Variants in SORCS1 observed in about 807,000 individuals in gnomAD.
SORCS1 encodes the protein sortilin related VPS10 domain containing receptor 1, also known as VPS10 domain-containing receptor SorCS1.
SORCS1 carries 60 observed loss-of-function variants against 146.1 expected under a neutral mutation model. The observed-to-expected ratio is 0.41, with a 90% confidence interval of 0.33 to 0.51. The LOEUF is 0.51. Ranked by LOEUF, SORCS1 falls within the 20% of genes least tolerant of loss-of-function variation. The pLI is 0.21. For missense variants in SORCS1, 1,352 were observed against 1,487.6 expected, an observed-to-expected ratio of 0.91 and a Z score of 1.50; for synonymous variants, 637 against 584.0, an observed-to-expected ratio of 1.09 and a Z score of -1.31.
At chr10:107,034,660 A>G (rs556573750) in intron 1 of SORCS1, among the ~76,000 whole-genome samples, 38 of 137,606 alleles carry the variant, frequency 2.8e-4, no homozygotes, top group African/African-American at 9.3e-4. Context: ...AGCCTGGGAA[A>G]CATGAGCGAA....
intron 1 of SORCS1, among the ~76,000 whole-genome samples, chr10:107,084,970 T>A (rs1301907060): frequency 6.6e-6 from 1 of 152,176 alleles, no homozygotes; most frequent in Admixed American, 6.5e-5. Flanking sequence ...CATGCAAAAT[T>A]TCAGAAGCAC....
At chr10:106,756,461 A>AAGCATTTG (rs1337705431) in intron 5 of SORCS1, among the ~76,000 whole-genome samples, 1 of 152,196 alleles carries the variant, frequency 6.6e-6, no homozygotes, top group East Asian at 1.9e-4. Context: ...AGTAAACCTC[A>AAGCATTTG]GTGTCCTTGA....
intron 19 of SORCS1, among the ~76,000 whole-genome samples, chr10:106,624,563 G>A (rs899107445): frequency 8.6e-5 from 13 of 151,712 alleles, no homozygotes; most frequent in Non-Finnish European, 1.8e-4. Flanking sequence ...GTTTCACCAT[G>A]TTGGCCAGGC....
chr10:106,932,764 ATTTTAGCTGG>A (rs1039670508), intron 2 of SORCS1, among the ~76,000 whole-genome samples: 4 of 152,174 alleles, frequency 2.6e-5, no homozygotes, highest in Admixed American at 2.6e-4. Context: ...GCAATGGTAA[ATTTTAGCTGG>A]TTTGTGCCAA....
At chr10:106,714,700 G>A (rs1421877920) in intron 6 of SORCS1, among the ~76,000 whole-genome samples, 5 of 152,154 alleles carry the variant, frequency 3.3e-5, no homozygotes, top group African/African-American at 9.7e-5. Context: ...CAACAACAGC[G>A]GAGAGCCACT....
At position 106,805,968 on chromosome 10, in the gene SORCS1, G is replaced by A. The variant is rs185275578; in HGVS notation, c.726+23606C>T. Among the ~76,000 whole-genome samples the A allele has an allele frequency of 1.8e-3, 275 of 150,010 alleles. 1 individual carries two copies. The highest frequency in any genetic ancestry group is 6.4e-3 in the African/African-American group (261 of 40,812). On this transcript the variant is annotated intron_variant, in intron 3 of 25. Coordinates refer to ENST00000263054, the MANE Select transcript of SORCS1 (RefSeq NM_052918.5). ...CCAGCTACTCGGGAGGCTGAGGCAC[G>A]AGAATGGCGTGAACCCGGGAGGCAG... is the stretch of plus-strand genomic sequence containing the variant.
chr10:106,861,347 C>T (rs1950007984), intron 2 of SORCS1, among the ~76,000 whole-genome samples: 1 of 149,890 alleles, frequency 6.7e-6, no homozygotes, highest in African/African-American at 2.5e-5. Flanking sequence ...TTTCAGTGAG[C>T]CAAGATCGCA....
chr10:106,971,890 T>G (rs1374744973), intron 1 of SORCS1, among the ~76,000 whole-genome samples: 1 of 152,174 alleles, frequency 6.6e-6, no homozygotes, highest in East Asian at 1.9e-4. Flanking sequence ...TCTGAGACTC[T>G]CAAAATCTCT....
intron 2 of SORCS1, among the ~76,000 whole-genome samples, chr10:106,928,369 G>A (rs1953194399): frequency 1.3e-5 from 2 of 152,214 alleles, no homozygotes; most frequent in Non-Finnish European, 2.9e-5. Context: ...TCATTGCCAG[G>A]GGCCGGCAGG....
chr10:107,009,411 G>A (rs1957595152), intron 1 of SORCS1, among the ~76,000 whole-genome samples: 1 of 152,132 alleles, frequency 6.6e-6, no homozygotes, highest in Non-Finnish European at 1.5e-5. Context: ...TTTTTTAACT[G>A]AAGTGTTCAG....
chr10:107,038,711 T>C (rs1387941745), intron 1 of SORCS1, among the ~76,000 whole-genome samples: 1 of 147,796 alleles, frequency 6.8e-6, no homozygotes, highest in East Asian at 2.0e-4. Context: ...GGGGAGGTGG[T>C]AGTGGTGAGG....
chr10:106,586,187 G>A (rs1459251597), intron 24 of SORCS1, among the ~76,000 whole-genome samples: 1 of 152,114 alleles, frequency 6.6e-6, no homozygotes, highest in Non-Finnish European at 1.5e-5. Context: ...CCCACTCTCA[G>A]GGTGGCAGGG....
chr10:106,943,001 G>A (rs1954132093), intron 2 of SORCS1, among the ~76,000 whole-genome samples: 1 of 152,128 alleles, frequency 6.6e-6, no homozygotes, highest in Admixed American at 6.5e-5. Flanking sequence ...TCTTGAGAGA[G>A]CTGTCTTCAT....
At chr10:106,731,934 G>C (rs908233637) in intron 5 of SORCS1, among the ~76,000 whole-genome samples, 1 of 152,170 alleles carries the variant, frequency 6.6e-6, no homozygotes, top group African/African-American at 2.4e-5. Context: ...GAGGTAAAGA[G>C]AAAGAAAGCG....
At chr10:106,734,640 T>C (rs184507474) in intron 5 of SORCS1, among the ~76,000 whole-genome samples, 16 of 152,352 alleles carry the variant, frequency 1.1e-4, no homozygotes, top group African/African-American at 3.6e-4. Context: ...TATGTAACTT[T>C]TGTTAAGTTA....
chr10:106,606,885 T>A (rs1339729091), intron 23 of SORCS1, among the ~76,000 whole-genome samples: 3 of 152,200 alleles, frequency 2.0e-5, no homozygotes, highest in Non-Finnish European at 4.4e-5. Flanking sequence ...GAAGGACAGG[T>A]TTGCTTCCCC....
intron 1 of SORCS1, among the ~76,000 whole-genome samples, chr10:107,129,684 A>C (rs1966848683): frequency 6.6e-6 from 1 of 152,230 alleles, no homozygotes; most frequent in African/African-American, 2.4e-5. Flanking sequence ...CTTCGAAACA[A>C]ACCTCTTCAA....
At chr10:106,895,951 G>A (rs58792680) in intron 2 of SORCS1, among the ~76,000 whole-genome samples, 70,592 of 150,816 alleles carry the variant, frequency 0.47, 17,040 homozygotes, top group African/African-American at 0.6. Context: ...GTGTGTGTGT[G>A]TATATATATA....
chr10:106,612,081 G>A lies in SORCS1; in HGVS notation c.2921-58C>T, dbSNP rs74696226. On this transcript the variant is annotated intron_variant, in intron 21 of 25. Coordinates refer to ENST00000263054, the MANE Select transcript of SORCS1 (RefSeq NM_052918.5). The stretch of plus-strand genomic sequence containing the variant: ...GTCAAATAGTCCTGTCAAGAGGTTT[G>A]TTAGACTTTATATTTTATACAAAAT... The A allele has an allele frequency of 0.011, 14,263 of 1,354,304 alleles. 917 individuals carry two copies. In the East Asian group the frequency reaches 0.19, roughly 18 times the overall value. 83.9% of individuals were successfully genotyped at this position (1,354,304 alleles called of 1,614,324 possible). A position where few individuals can be genotyped will look rare whatever the true frequency, so the allele number is the denominator to read the frequency against.
Sources: allele counts gnomAD v4.1 joint callset (sites outside exome capture counted in the v4.1 genomes callset), GRCh38; gene constraint gnomAD v4.1.1; transcripts MANE v1.5; gene names NCBI Gene and HGNC (gene_info 2026-07-23, HGNC 2026-07-21).